The following PTPRD variants were observed in gnomAD, a reference collection of about 807,000 sequenced individuals.
PTPRD encodes the protein protein tyrosine phosphatase receptor type D.
Under a neutral mutation model 214.5 loss-of-function variants are expected in PTPRD, and 34 were observed. The observed-to-expected ratio is 0.16, with a 90% CI of 0.12 to 0.21. The LOEUF (loss-of-function observed/expected upper bound fraction) is 0.21, where lower values mean the gene tolerates loss of function less well. Among genes scored for constraint, PTPRD ranks in the 10% least tolerant of loss-of-function variants. PTPRD has a pLI of 1.00. For synonymous variants in PTPRD, 1,128 were observed against 845.7 expected (o/e 1.33, Z -5.79); for missense variants, 2,545 against 2,398.7 (o/e 1.06, Z -1.27).
chr9:10,376,851 C>G (rs769862782), intron 2 of PTPRD, among the ~76,000 whole-genome samples: 1 of 151,852 alleles, frequency 6.6e-6, no homozygotes, highest in African/African-American at 2.4e-5. Flanking sequence ...ATAGTCGCAT[C>G]ATGTAAAATA....
In PTPRD at chr9:9,378,040, T is replaced by A. The variant is rs550774512; in HGVS notation, c.-203+19409A>T. ...CCATCATCAGTATTTCTCACCAGAC[T>A]GATATATTTGTTACCGATAATGAAC... On this transcript the variant is annotated intron_variant, in intron 9 of 45. Coordinates refer to ENST00000381196, the MANE Select transcript of PTPRD (RefSeq NM_002839.4). Among the ~76,000 whole-genome samples the A allele has an allele frequency of 1.3e-4, 20 of 152,208 alleles. No individual in the cohort carries two copies. In the Middle Eastern group the frequency reaches 0.01, roughly 78 times the overall value.
intron 17 of PTPRD, among the ~76,000 whole-genome samples, chr9:8,526,401 TA>T (rs1564076109): frequency 6.7e-6 from 1 of 150,066 alleles, no homozygotes; most frequent in African/African-American, 2.5e-5. Context: ...ACAACTTAAA[TA>T]ATCATTTTCA....
intron 12 of PTPRD, among the ~76,000 whole-genome samples, chr9:8,695,584 G>A (rs914869101): frequency 4.6e-5 from 7 of 152,052 alleles, no homozygotes; most frequent in African/African-American, 1.7e-4. Flanking sequence ...TCATTGGTAG[G>A]TAAGTTGCAT....
chr9:8,917,678 A>G (rs1487695121), intron 11 of PTPRD, among the ~76,000 whole-genome samples: 8 of 152,158 alleles, frequency 5.3e-5, no homozygotes, highest in African/African-American at 1.7e-4. Flanking sequence ...TTTTCTGAAT[A>G]TAATGGACTA....
intron 9 of PTPRD, among the ~76,000 whole-genome samples, chr9:9,203,403 T>C (rs548663291): frequency 6.6e-5 from 10 of 152,324 alleles, no homozygotes; most frequent in Non-Finnish European, 1.5e-4. Context: ...GTTTTTGTTA[T>C]GCTTTACCAC....
intron 5 of PTPRD, among the ~76,000 whole-genome samples, chr9:9,767,613 T>C (rs1467769385): frequency 2.0e-5 from 3 of 152,068 alleles, no homozygotes; most frequent in South Asian, 2.1e-4. Flanking sequence ...TATAAGAATT[T>C]CAATTAAATG....
chr9:10,035,499 T>C (rs1436805832), intron 3 of PTPRD, among the ~76,000 whole-genome samples: 1 of 152,194 alleles, frequency 6.6e-6, no homozygotes, highest in South Asian at 2.1e-4. Context: ...CGTCATGAAA[T>C]CTTTGCCCAC....
At chr9:8,328,642 T>TCTCCCCTTCACTTTC (rs1836486169) in intron 44 of PTPRD, among the ~76,000 whole-genome samples, 1 of 152,074 alleles carries the variant, frequency 6.6e-6, no homozygotes, top group Admixed American at 6.6e-5. Flanking sequence ...TTGGTTCCAT[T>TCTCCCCTTCACTTTC]CTCCCCTTCA....
In PTPRD at chr9:8,802,477, A is replaced by C. The variant is rs370258341; in HGVS notation, c.-103-68531T>G. ...TGCCCTAAAGGCAAAGAAAGGAATC[A>C]CAAAAGAAAGTGAAAGGAGATGCAC... On this transcript the variant is annotated intron_variant, in intron 11 of 45. Coordinates refer to ENST00000381196, the MANE Select transcript of PTPRD (RefSeq NM_002839.4). Among the ~76,000 whole-genome samples the C allele has an allele frequency of 4.6e-5, 7 of 152,190 alleles. No individual in the cohort carries two copies. The East Asian group carries it at 9.6e-4, about 21-fold the overall frequency.
At chr9:9,976,633 C>T (rs2382099) in intron 4 of PTPRD, among the ~76,000 whole-genome samples, 109,933 of 142,290 alleles carry the variant, frequency 0.77, 42,763 homozygotes, top group Middle Eastern at 0.88. Context: ...GGTGATCCCC[C>T]GCCTTGACCT....
At chr9:9,297,318 A>G (rs1953461657) in intron 9 of PTPRD, among the ~76,000 whole-genome samples, 1 of 151,676 alleles carries the variant, frequency 6.6e-6, no homozygotes, top group Admixed American at 6.6e-5. Flanking sequence ...ACAGAGACAG[A>G]GATATGGTTT....
At position 8,773,011 on chromosome 9, in the gene PTPRD, TCTA is replaced by T. The variant is rs140974098; in HGVS notation, c.-103-39068_-103-39066del. On this transcript the variant is annotated intron_variant, in intron 11 of 45. Coordinates refer to ENST00000381196, the MANE Select transcript of PTPRD (RefSeq NM_002839.4). ...CCCACTTCTGAAGCAAAACCCTTGT[TCTA>T]CTCTACTGAATGCCCTATGAATTAC... Among the ~76,000 whole-genome samples the T allele has an allele frequency of 7.9e-3, 1,210 of 152,280 alleles. 18 individuals are homozygous for T. Among genetic ancestry groups the T allele is most frequent in the African/African-American group, 0.028 (1,161 of 41,554 alleles).
chr9:8,649,278 G>A (rs942296371), intron 12 of PTPRD, among the ~76,000 whole-genome samples: 1 of 152,230 alleles, frequency 6.6e-6, no homozygotes, highest in Non-Finnish European at 1.5e-5. Flanking sequence ...GTCACTGTAT[G>A]AGCTGAAAGG....
rs138771248 is a variant in PTPRD at position 10,581,781 on chromosome 9, G to T, written c.-600+30617C>A. ...CTGAGGAATATAAGGGTATTAAATA[G>T]AAATTAAATGATGCTTTTTAACAAG... On this transcript the variant is annotated intron_variant, in intron 2 of 45. Coordinates refer to ENST00000381196, the MANE Select transcript of PTPRD (RefSeq NM_002839.4). Among the ~76,000 whole-genome samples, 67 of 152,182 alleles carry T rather than the reference G, an allele frequency of 4.4e-4. 1 individual carries two copies. In the East Asian group the frequency reaches 0.012, roughly 28 times the overall value.
At chr9:8,762,861 G>A (rs1236330267) in intron 11 of PTPRD, among the ~76,000 whole-genome samples, 2 of 152,138 alleles carry the variant, frequency 1.3e-5, no homozygotes, top group African/African-American at 4.8e-5. Context: ...TCCCAGCGGT[G>A]AGAAAAAGCA....
At chr9:9,740,594 C>G (rs2098386287) in intron 6 of PTPRD, among the ~76,000 whole-genome samples, 1 of 152,080 alleles carries the variant, frequency 6.6e-6, no homozygotes, top group Non-Finnish European at 1.5e-5. Context: ...ATCTCCTGCC[C>G]TCGTGATCTG....
intron 10 of PTPRD, among the ~76,000 whole-genome samples, chr9:9,122,891 CA>C (rs2099818946): frequency 1.3e-5 from 2 of 151,994 alleles, no homozygotes. Context: ...AATCTTTGTA[CA>C]AAAAGGGTAA....
In PTPRD at chr9:10,539,373, C is replaced by T. The variant is rs184773662; in HGVS notation, c.-600+73025G>A. 2.7e-4 allele frequency among the ~76,000 whole-genome samples: 41 copies of T among 152,134 alleles called. 1 individual carries two copies. The East Asian group carries it at 5.8e-3, about 22-fold the overall frequency. On this transcript the variant is annotated intron_variant, in intron 2 of 45. Coordinates refer to ENST00000381196, the MANE Select transcript of PTPRD (RefSeq NM_002839.4). ...CTAATTTTTGTATTTTTAGTAGAGA[C>T]GGTTTTTTGCCACGTTGGCCAGGCT... is the stretch of plus-strand genomic sequence containing the variant.
chr9:8,590,685 G>A (rs1166283390), intron 14 of PTPRD, among the ~76,000 whole-genome samples: 2 of 152,150 alleles, frequency 1.3e-5, no homozygotes, highest in Admixed American at 6.5e-5. Flanking sequence ...TCTTTGGTGT[G>A]AAGAGCAGGG....
Sources: gnomAD v4.1 joint callset for allele counts (sites outside exome capture counted in the v4.1 genomes callset) on GRCh38, gnomAD v4.1.1 for gene constraint, MANE v1.5 for transcripts, NCBI Gene and HGNC (gene_info 2026-07-23, HGNC 2026-07-21) for gene names.